Variants in BCO1 observed in about 807,000 individuals in gnomAD.
BCO1 encodes beta,beta-carotene 15,15'-dioxygenase.
In BCO1, 54 loss-of-function variants were observed where a neutral mutation model predicts 56.3. The ratio of observed to expected loss-of-function variants is 0.96; its 90% CI spans 0.77 to 1.20. BCO1 has a LOEUF of 1.20. Ranked by LOEUF, BCO1 falls within the 50% of genes most tolerant of loss-of-function variation. The pLI is 0.00. For missense variants in BCO1, 801 were observed against 690.9 expected (o/e 1.16, Z -1.79); for synonymous variants, 318 against 266.1 (o/e 1.20, Z -1.90).
chr16:81,256,504 A>G (rs1181512394), intron 2 of BCO1, among the ~76,000 whole-genome samples: 2 of 152,196 alleles, frequency 1.3e-5, no homozygotes, highest in Non-Finnish European at 2.9e-5. Context: ...AAAAGGAAAA[A>G]ATCTTAATGT....
chr16:81,255,429 G>C (rs1437205892), intron 2 of BCO1, among the ~76,000 whole-genome samples: 1 of 152,138 alleles, frequency 6.6e-6, no homozygotes, highest in Non-Finnish European at 1.5e-5. Flanking sequence ...AAAAAAGTTG[G>C]AACCTTTAAG....
Position 81,259,683 on chromosome 16 carries a change from C to G in BCO1, c.201C>G (p.Val67=). The change falls in exon 3 of 11, where the codon GTC becomes GTG. Residue 67 remains valine (V), a synonymous_variant. Coordinates refer to ENST00000258168, the MANE Select transcript of BCO1 (RefSeq NM_017429.3). ...CTGGTTCTTCTCTTGCAGGTGAAGT[C>G]TATTACAGGAGCAAATACCTGAGAA... ...LHSFTIRDGE[V]YYRSKYLRSD... is the part of the protein sequence containing the mutation. 6.2e-7 allele frequency: 1 copy of G among 1,614,172 alleles called. No individual in the cohort carries two copies. Among genetic ancestry groups the G allele is most frequent in the Non-Finnish European group, 8.5e-7 (1 of 1,180,032 alleles).
At chr16:81,272,113 C>CTTTT (rs35402352) in intron 7 of BCO1, among the ~76,000 whole-genome samples, 3 of 111,316 alleles carry the variant, frequency 2.7e-5, no homozygotes, top group Non-Finnish European at 3.6e-5. Flanking sequence ...TCTTTTCTTT[C>CTTTT]TTTTTTTTTT....
chr16:81,272,590 A>G (rs1394139032), intron 7 of BCO1, among the ~76,000 whole-genome samples: 3 of 152,086 alleles, frequency 2.0e-5, no homozygotes. Context: ...AATGACCACC[A>G]GGCCAGACAT....
intron 7 of BCO1, among the ~76,000 whole-genome samples, chr16:81,274,485 C>T (rs1449548065): frequency 1.3e-5 from 2 of 152,048 alleles, no homozygotes; most frequent in East Asian, 1.9e-4. Context: ...AGGATGGTCT[C>T]GATCTTCTGA....
intron 1 of BCO1, among the ~76,000 whole-genome samples, 198 bp downstream of exon 1, chr16:81,239,170 C>T (rs1444922733): frequency 6.6e-6 from 1 of 152,002 alleles, no homozygotes; most frequent in Non-Finnish European, 1.5e-5. Flanking sequence ...GCACCCACCA[C>T]CAAGCCCGGC....
rs58067823 is a variant in BCO1 at position 81,239,023 on chromosome 16, T to A, written c.64+51T>A. 0.025 allele frequency: 35,579 copies of A among 1,415,534 alleles called. 287 individuals are homozygous for A. The highest frequency in any genetic ancestry group is 0.074 in the African/African-American group (4,186 of 56,780). 87.7% of individuals were successfully genotyped at this position (1,415,534 alleles called of 1,614,324 possible). Reference sequence around the variant, plus strand: ...TCTTTCTTCTATTTATTTTATTATTTTTTTTTTTTTTGAGGCGGAGTCTCG... The same window carrying A: ...TCTTTCTTCTATTTATTTTATTATTATTTTTTTTTTTGAGGCGGAGTCTCG... On this transcript the variant is annotated intron_variant, in intron 1 of 10. Transcript: ENST00000258168.
Position 81,245,622 on chromosome 16 carries a change from G to A in BCO1, c.193+19G>A. The A allele has an allele frequency of 6.2e-7, 1 of 1,614,088 alleles. No homozygotes were observed. Among genetic ancestry groups the A allele is most frequent in the South Asian group, 1.1e-5 (1 of 91,074 alleles). On this transcript the variant is annotated intron_variant, in intron 2 of 10. Transcript: ENST00000258168. Reference sequence around the variant, plus strand: ...AGAGACGGTGAGAACACCCACGAGTGTGCTGCCACTGCTGCAGCAAAGGAC... The same window carrying A: ...AGAGACGGTGAGAACACCCACGAGTATGCTGCCACTGCTGCAGCAAAGGAC...
intron 1 of BCO1, 84 bp downstream of exon 1, chr16:81,239,056 G>GC: frequency 1.6e-6 from 2 of 1,254,280 alleles, no homozygotes. Context: ...TCGCTCTGTC[G>GC]CCCGGGCTGG....
chr16:81,276,455 T>TG (rs1907561693), intron 7 of BCO1, among the ~76,000 whole-genome samples: 1 of 152,220 alleles, frequency 6.6e-6, no homozygotes, highest in Non-Finnish European at 1.5e-5. Flanking sequence ...CTGCTGTTCC[T>TG]GCCACAGGCC....
At chr16:81,255,797 G>A (rs1906096464) in intron 2 of BCO1, among the ~76,000 whole-genome samples, 1 of 151,116 alleles carries the variant, frequency 6.6e-6, no homozygotes, top group South Asian at 2.1e-4. Flanking sequence ...GAGCCACCAT[G>A]CCCAGCCTTT....
At chr16:81,241,239 G>T (rs1905092469) in intron 1 of BCO1, among the ~76,000 whole-genome samples, 1 of 152,060 alleles carries the variant, frequency 6.6e-6, no homozygotes, top group Non-Finnish European at 1.5e-5. Flanking sequence ...CTTGAACCCA[G>T]GAGGCAGAGG....
rs997353280 is a variant in BCO1 at position 81,290,646 on chromosome 16, G to A, written c.*69G>A. ...ACTCCATGGATATGTTTCTTTGGAT[G>A]GAGGGGAGGGCCTTTGTTACCTTTT... On this transcript the variant is annotated 3_prime_UTR_variant, in exon 11 of 11. Transcript: ENST00000258168. 32 of 1,293,010 alleles carry A rather than the reference G, an allele frequency of 2.5e-5. No homozygotes were observed. The African/African-American group carries it at 4.2e-4, about 17-fold the overall frequency. 80.1% of individuals were successfully genotyped at this position (1,293,010 alleles called of 1,614,324 possible).
intron 10 of BCO1, among the ~76,000 whole-genome samples, chr16:81,288,106 G>C (rs941791079): frequency 2.6e-5 from 4 of 152,158 alleles, no homozygotes; most frequent in African/African-American, 9.7e-5. Context: ...GACGGGTATA[G>C]AGGTGACCTC....
At chr16:81,241,972 C>T (rs1341379168) in intron 1 of BCO1, among the ~76,000 whole-genome samples, 1 of 152,158 alleles carries the variant, frequency 6.6e-6, no homozygotes, top group East Asian at 1.9e-4. Flanking sequence ...TGGCACCTCC[C>T]ACATAGGGTT....
chr16:81,290,520 C>T lies in BCO1; in HGVS notation c.1587C>T (p.Ala529=), dbSNP rs778622231. ...TDMDWDTKKQ[A]ASEEQRDRAS... ...TGGACTGGGACACAAAAAAGCAGGC[C>T]GCTTCTGAGGAACAGCGGGACAGGG... The change falls in exon 11 of 11, where the codon GCC becomes GCT. Residue 529 remains alanine (A), a synonymous_variant. Transcript: ENST00000258168. 39 of 1,614,006 alleles carry T rather than the reference C, an allele frequency of 2.4e-5. No homozygotes were observed. The highest frequency in any genetic ancestry group is 1.2e-4 in the Admixed American group (7 of 59,976).
intron 7 of BCO1, among the ~76,000 whole-genome samples, chr16:81,270,657 T>A (rs982626253): frequency 2.0e-5 from 3 of 149,524 alleles, no homozygotes; most frequent in Admixed American, 6.7e-5. Context: ...TCACTGTGGA[T>A]ATATATGTTT....
intron 6 of BCO1, 90 bp downstream of exon 6, chr16:81,268,221 G>A: frequency 1.6e-6 from 2 of 1,232,484 alleles, no homozygotes; most frequent in African/African-American, 1.7e-5. Flanking sequence ...AGGCAAGGAA[G>A]TGGCATGGAA....
At chr16:81,251,521 C>G (rs565868991) in intron 2 of BCO1, among the ~76,000 whole-genome samples, 1 of 152,124 alleles carries the variant, frequency 6.6e-6, no homozygotes, top group East Asian at 1.9e-4. Flanking sequence ...GATCACACCT[C>G]TGCACTCCAT....
Sources: allele counts gnomAD v4.1 joint callset (sites outside exome capture counted in the v4.1 genomes callset), GRCh38; gene constraint gnomAD v4.1.1; transcripts MANE v1.5; gene names NCBI Gene and HGNC (gene_info 2026-07-23, HGNC 2026-07-21).